Variants in PCDH11Y observed in about 807,000 individuals in gnomAD.
The protein encoded by PCDH11Y is protocadherin-11 Y-linked.
For missense variants in PCDH11Y, 12 were observed against 224.8 expected (o/e 0.05, Z 6.05); for synonymous variants, 9 against 83.6 (o/e 0.11, Z 4.87).
chrY:5,150,636 C>A (rs2052863343), intron 2 of PCDH11Y, among the ~76,000 whole-genome samples: 1 of 33,669 alleles, frequency 3.0e-5, no homozygotes, highest in African/African-American at 1.2e-4. Flanking sequence ...CTAAATAATA[C>A]ACTCACATGC....
chrY:5,410,526 GT>G (rs2053246003), intron 2 of PCDH11Y, among the ~76,000 whole-genome samples: 1 of 32,774 alleles, frequency 3.1e-5, no homozygotes, highest in Non-Finnish European at 7.5e-5. Context: ...GGTTCACTAG[GT>G]TTTTTTTCTA....
At chrY:5,051,727 T>G, upstream of PCDH11Y, among the ~76,000 whole-genome samples, 3 of 33,481 alleles carry the variant, frequency 9.0e-5, no homozygotes, top group African/African-American at 3.5e-4. Flanking sequence ...CAGAGAAGTT[T>G]AGACCCAAAT....
chrY:5,399,427 G>A (rs2124676788), intron 2 of PCDH11Y, among the ~76,000 whole-genome samples: 1 of 29,949 alleles, frequency 3.3e-5, no homozygotes, highest in East Asian at 8.3e-4. Flanking sequence ...TGATGCAGAC[G>A]TGCTGGCAAA....
intron 3 of PCDH11Y, among the ~76,000 whole-genome samples, chrY:5,564,981 G>A: frequency 3.0e-5 from 1 of 32,883 alleles, no homozygotes; most frequent in South Asian, 6.6e-4. Context: ...ACCTTAAAAT[G>A]TGTTTCAATC....
At chrY:5,212,156 T>G in intron 2 of PCDH11Y, among the ~76,000 whole-genome samples, 1 of 33,014 alleles carries the variant, frequency 3.0e-5, no homozygotes, top group Non-Finnish European at 7.4e-5. Flanking sequence ...CTACCCACTA[T>G]GAAGATTTTA....
At chrY:5,526,939 A>T in intron 3 of PCDH11Y, among the ~76,000 whole-genome samples, 1 of 31,863 alleles carries the variant, frequency 3.1e-5, no homozygotes, top group South Asian at 7.2e-4. Context: ...AAATATACAT[A>T]TTCAGTAAGC....
chrY:5,440,758 TAGAGAG>T (rs769163370), intron 2 of PCDH11Y, among the ~76,000 whole-genome samples: 16 of 14,518 alleles, frequency 1.1e-3, no homozygotes, highest in East Asian at 1.5e-3. Context: ...TATATATATA[TAGAGAG>T]AGAGAGAGAG....
At chrY:5,476,484 C>A (rs1602930984) in intron 2 of PCDH11Y, among the ~76,000 whole-genome samples, 1 of 19,106 alleles carries the variant, frequency 5.2e-5, no homozygotes, top group Non-Finnish European at 1.1e-4. Context: ...TCTTTATATT[C>A]TTATGTTATG....
chrY:5,220,154 A>G, intron 2 of PCDH11Y, among the ~76,000 whole-genome samples: 1 of 32,441 alleles, frequency 3.1e-5, no homozygotes, highest in Non-Finnish European at 7.5e-5. Context: ...ATAGCTTTGT[A>G]CCATAGTTTG....
intron 3 of PCDH11Y, among the ~76,000 whole-genome samples, chrY:5,507,462 T>C (rs2053359916): frequency 3.0e-5 from 1 of 33,114 alleles, no homozygotes; most frequent in African/African-American, 1.2e-4. Flanking sequence ...CTAGAGATAA[T>C]CTTTAAACAA....
chrY:5,173,363 T>C (rs2052889104), intron 2 of PCDH11Y, among the ~76,000 whole-genome samples: 1 of 32,607 alleles, frequency 3.1e-5, no homozygotes, highest in South Asian at 6.7e-4. Flanking sequence ...TGGGGGAGGT[T>C]TAGGAAAGAT....
chrY:5,242,196 G>A, intron 2 of PCDH11Y, among the ~76,000 whole-genome samples: 1 of 26,243 alleles, frequency 3.8e-5, no homozygotes, highest in African/African-American at 1.5e-4. Flanking sequence ...TGAGGTTGCA[G>A]TGAGCTGAGA....
chrY:5,315,253 C>G, intron 2 of PCDH11Y, among the ~76,000 whole-genome samples: 7 of 32,214 alleles, frequency 2.2e-4, no homozygotes, highest in Non-Finnish European at 5.3e-4. Flanking sequence ...GGCTAGAGAA[C>G]CCTTAAGTAG....
intron 3 of PCDH11Y, among the ~76,000 whole-genome samples, chrY:5,045,594 A>G (rs2052633943): frequency 3.1e-5 from 1 of 31,982 alleles, no homozygotes; most frequent in African/African-American, 1.2e-4. Context: ...TGTGTCTTGG[A>G]GTTGCTCTTC....
At chrY:5,262,464 T>G (rs1602895639) in intron 2 of PCDH11Y, among the ~76,000 whole-genome samples, 24 of 21,483 alleles carry the variant, frequency 1.1e-3, no homozygotes, top group African/African-American at 4.6e-3. Context: ...GGGTTTTTTT[T>G]TTTTTTTTTT....
intron 2 of PCDH11Y, among the ~76,000 whole-genome samples, chrY:5,303,177 C>T: frequency 3.1e-5 from 1 of 32,098 alleles, no homozygotes; most frequent in Non-Finnish European, 7.6e-5. Context: ...ACCACTCTCT[C>T]GATTAACAGT....
chrY:5,665,603 C>T (rs2053544159), intron 4 of PCDH11Y, among the ~76,000 whole-genome samples: 1 of 33,691 alleles, frequency 3.0e-5, no homozygotes, highest in South Asian at 6.5e-4. Flanking sequence ...CATCAACATA[C>T]ATGAAAGACG....
intron 3 of PCDH11Y, among the ~76,000 whole-genome samples, chrY:5,501,458 G>C (rs2053354109): frequency 3.0e-5 from 1 of 33,321 alleles, no homozygotes; most frequent in Admixed American, 2.8e-4. Context: ...TAACTACGCT[G>C]AATGAAATTT....
At chrY:5,413,611 A>G (rs77162224) in intron 2 of PCDH11Y, among the ~76,000 whole-genome samples, 3 of 32,760 alleles carry the variant, frequency 9.2e-5, no homozygotes, top group Non-Finnish European at 2.3e-4. Context: ...CACTCAGTCA[A>G]TACTGAAACA....
Sources: allele counts gnomAD v4.1 joint callset (sites outside exome capture counted in the v4.1 genomes callset), GRCh38; gene constraint gnomAD v4.1.1; transcripts MANE v1.5; gene names NCBI Gene and HGNC (gene_info 2026-07-23, HGNC 2026-07-21).